The following GYG1 variants were observed in gnomAD, a reference collection of about 807,000 sequenced individuals.
GYG1 encodes glycogenin-1.
In GYG1, 44 loss-of-function variants were observed where a neutral mutation model predicts 41.9. The ratio of observed to expected loss-of-function variants is 1.05; its 90% CI spans 0.83 to 1.35. The LOEUF is 1.35. Ranked by LOEUF, GYG1 falls within the 40% of genes most tolerant of loss-of-function variation. The pLI is 0.00. For synonymous variants in GYG1, 141 were observed against 158.1 expected (o/e 0.89, Z 0.81); for missense variants, 429 against 418.9 (o/e 1.02, Z -0.21).
chr3:149,004,769 G>A (rs535914687), intron 4 of GYG1, among the ~76,000 whole-genome samples: 1 of 152,350 alleles, frequency 6.6e-6, no homozygotes, highest in African/African-American at 2.4e-5. Context: ...AGGCACTGTT[G>A]ATTCACCAGT....
chr3:149,030,500 G>GT lies in GYG1; in HGVS notation c.*3570dup, dbSNP rs1407792542. On this transcript the variant is annotated 3_prime_UTR_variant, in exon 8 of 8. Coordinates refer to ENST00000345003, the MANE Select transcript of GYG1 (RefSeq NM_004130.4). ...TGTCCTCCCTTTACCTTCATAGTGA[G>GT]TTTGTAAGGCTTTGTCTTTGTAAGC... is the stretch of plus-strand genomic sequence containing the variant. The GT allele has an allele frequency of 8.5e-5, 13 of 152,278 alleles. No individual in the cohort carries two copies. The highest frequency in any genetic ancestry group is 3.1e-4 in the African/African-American group (13 of 41,572). The allele number at this position is 152,278 out of a possible 1,614,324, so 9.4% of individuals were successfully genotyped here.
intron 5 of GYG1, among the ~76,000 whole-genome samples, chr3:149,013,503 C>G (rs1455869358): frequency 6.6e-6 from 1 of 152,162 alleles, no homozygotes; most frequent in Non-Finnish European, 1.5e-5. Context: ...AGTACAAAGC[C>G]TCATTCACCC....
At position 149,023,013 on chromosome 3, in the gene GYG1, C is replaced by G. The variant is rs77321401; in HGVS notation, c.609-1040C>G. Among the ~76,000 whole-genome samples the G allele has an allele frequency of 3.5e-4, 53 of 152,208 alleles. 1 individual carries two copies. In the East Asian group the frequency reaches 7.9e-3, roughly 23 times the overall value. Reference sequence around the variant, plus strand: ...AATCTCAGTCATATTCAACAATAAGCAAATATTTCTTACATATATGTTGGT... The same window carrying G: ...AATCTCAGTCATATTCAACAATAAGGAAATATTTCTTACATATATGTTGGT... On this transcript the variant is annotated intron_variant, in intron 5 of 7. Coordinates refer to ENST00000345003, the MANE Select transcript of GYG1 (RefSeq NM_004130.4).
chr3:148,996,872 T>G lies in GYG1; in HGVS notation c.449T>G (p.Leu150Trp), dbSNP rs751394282. 3 of 1,613,750 alleles carry G rather than the reference T, an allele frequency of 1.9e-6. No individual in the cohort carries two copies. Residue 150 changes from leucine (L) to tryptophan (W), a missense_variant, in exon 4 of 8, where the codon TTG (leucine) becomes TGG (tryptophan). By Grantham distance (61) the Leu-to-Trp change is moderately conservative. Coordinates refer to ENST00000345003, the MANE Select transcript of GYG1 (RefSeq NM_004130.4). ...QPSVETYNQL[L>W]HLASEQGSFD... ...TCAGTTGAAACATACAATCAGCTGT[T>G]GCATCTTGCTTCTGAGCAAGGTAGT...
At chr3:148,992,085 C>G (rs1453460240) in intron 1 of GYG1, among the ~76,000 whole-genome samples, 2 of 152,068 alleles carry the variant, frequency 1.3e-5, no homozygotes, top group African/African-American at 2.4e-5. Flanking sequence ...GGCTCCGAGG[C>G]GGGGATACTG....
chr3:148,998,398 A>C (rs1010775407), intron 4 of GYG1, among the ~76,000 whole-genome samples: 1 of 152,168 alleles, frequency 6.6e-6, no homozygotes. Flanking sequence ...TGCAAAGGGC[A>C]TCTGATGAGT....
intron 5 of GYG1, among the ~76,000 whole-genome samples, chr3:149,020,499 ACTT>A (rs1714309181): frequency 6.6e-6 from 1 of 152,222 alleles, no homozygotes; most frequent in Admixed American, 6.5e-5. Flanking sequence ...AAGTTATTTA[ACTT>A]CTTCATGCCT....
intron 5 of GYG1, among the ~76,000 whole-genome samples, chr3:149,021,799 G>C (rs564251420): frequency 1.2e-4 from 18 of 151,950 alleles, no homozygotes; most frequent in Admixed American, 3.3e-4. Flanking sequence ...GGATAGGAAA[G>C]GTTACACGAG....
At position 148,996,218 on chromosome 3, in the gene GYG1, G is replaced by A. The variant is rs185533349; in HGVS notation, c.144-84G>A. 6.5e-6 allele frequency: 6 copies of A among 920,382 alleles called. No homozygotes were observed. In the South Asian group the frequency reaches 7.8e-5, roughly 12 times the overall value. 57.0% of individuals were successfully genotyped at this position (920,382 alleles called of 1,614,324 possible). ...ATTGTTCTAGTAATTGATGGAGAAGGTAATAAAGCATCAGTCTTACAGCAG... is the reference window on the plus strand; with the variant it reads ...ATTGTTCTAGTAATTGATGGAGAAGATAATAAAGCATCAGTCTTACAGCAG... On this transcript the variant is annotated intron_variant, in intron 2 of 7. Coordinates refer to ENST00000345003, the MANE Select transcript of GYG1 (RefSeq NM_004130.4).
rs1576559217 is a variant in GYG1 at position 149,029,367 on chromosome 3, G to A, written c.*2434G>A. Among the ~76,000 whole-genome samples, 1 of 152,126 alleles carries A rather than the reference G, an allele frequency of 6.6e-6. No individual in the cohort carries two copies. The highest frequency in any genetic ancestry group is 1.5e-5 in the Non-Finnish European group (1 of 68,020). On this transcript the variant is annotated 3_prime_UTR_variant, in exon 8 of 8. Coordinates refer to ENST00000345003, the MANE Select transcript of GYG1 (RefSeq NM_004130.4). ...CCTTGCAGTGGCTGGTATGACCTTT[G>A]GTTGTAAGACAAACTTGCCCACAAC...
chr3:149,016,559 C>G, intron 5 of GYG1, among the ~76,000 whole-genome samples: 1 of 152,064 alleles, frequency 6.6e-6, no homozygotes, highest in Non-Finnish European at 1.5e-5. Flanking sequence ...AGTCTGGGTT[C>G]GAGTGCTGAC....
At chr3:149,011,126 A>G (rs1281335663) in intron 5 of GYG1, among the ~76,000 whole-genome samples, 2 of 152,308 alleles carry the variant, frequency 1.3e-5, no homozygotes, top group Non-Finnish European at 2.9e-5. Flanking sequence ...GCAGACTCTT[A>G]AACACACCAA....
At chr3:149,023,847 C>CAT (rs1376930263) in intron 5 of GYG1, among the ~76,000 whole-genome samples, 1 of 151,012 alleles carries the variant, frequency 6.6e-6, no homozygotes, top group East Asian at 1.9e-4. Flanking sequence ...ATTAGCTAGG[C>CAT]ATGGTGGCCT....
rs989694880 is a variant in GYG1, at chr3:149,031,491, T to G, written c.*4558T>G. The G allele has an allele frequency of 3.3e-5, 5 of 152,620 alleles. No individual in the cohort carries two copies. The highest frequency in any genetic ancestry group is 5.9e-5 in the Non-Finnish European group (4 of 68,020). 9.5% of individuals were successfully genotyped at this position (152,620 alleles called of 1,614,324 possible). A position where few individuals can be genotyped will look rare whatever the true frequency, so the allele number is the denominator to read the frequency against. ...TTCAAATCAAATTGGGTAGGACTGG[T>G]TTGCCTCTCACTCCCACAGACTATA... On this transcript the variant is annotated 3_prime_UTR_variant, in exon 8 of 8. Transcript: ENST00000345003.
chr3:149,025,324 A>G (rs1187635636), intron 6 of GYG1, among the ~76,000 whole-genome samples: 2 of 152,172 alleles, frequency 1.3e-5, no homozygotes, highest in African/African-American at 2.4e-5. Flanking sequence ...CACAGTTTAC[A>G]ATAGAGTTCA....
chr3:148,996,760 G>C lies in GYG1; in HGVS notation c.337G>C (p.Asp113His), dbSNP rs968503138. Residue 113 changes from aspartate to histidine, a missense_variant, in exon 4 of 8, where the codon GAT (aspartate) becomes CAT (histidine). Transcript: ENST00000345003. ...TGATCAGGTCCTAGCAAATATTGAT[G>C]ATCTTTTTGACAGAGAAGAATTGTC... ...ADTLVLANID[D>H]LFDREELSAA... 11 of 1,613,970 alleles carry C rather than the reference G, an allele frequency of 6.8e-6. No individual in the cohort carries two copies. Among genetic ancestry groups the C allele is most frequent in the Middle Eastern group, 1.7e-4 (1 of 6,060 alleles).
rs1714769304 is a variant in GYG1, at chr3:149,028,498, A to C, written c.*1565A>C. ...GCTGTGGTACAAAGAAGGACTTCTC[A>C]AAATTTTAGCTAGTCAGAGGTCTTT... is the stretch of plus-strand genomic sequence containing the variant. On this transcript the variant is annotated 3_prime_UTR_variant, in exon 8 of 8. Transcript: ENST00000345003. Among the ~76,000 whole-genome samples, 1 of 152,162 alleles carries C rather than the reference A, an allele frequency of 6.6e-6. No homozygotes were observed. The highest frequency in any genetic ancestry group is 2.4e-5 in the African/African-American group (1 of 41,448).
intron 1 of GYG1, chr3:148,992,268 C>G (rs1231872902): frequency 6.4e-6 from 1 of 155,920 alleles, no homozygotes; most frequent in African/African-American, 2.4e-5. Context: ...TGCGAGGCGT[C>G]CGGGCCACTC....
Position 148,994,164 on chromosome 3 carries a change from C to T in GYG1, c.30C>T (p.Thr10=). The part of the protein sequence containing the change: MTDQAFVTL[T]TNDAYAKGAL... Reference sequence around the variant, plus strand: ...AAGATCAGGCCTTTGTGACACTAACCACAAACGATGCCTACGCCAAAGGTG... The same window carrying T: ...AAGATCAGGCCTTTGTGACACTAACTACAAACGATGCCTACGCCAAAGGTG... Residue 10 remains threonine (T), a synonymous_variant, in exon 2 of 8, where the codon ACC becomes ACT. Coordinates refer to ENST00000345003, the MANE Select transcript of GYG1 (RefSeq NM_004130.4). The T allele has an allele frequency of 2.5e-6, 4 of 1,613,676 alleles. No homozygotes were observed. Among genetic ancestry groups the T allele is most frequent in the East Asian group, 2.2e-5 (1 of 44,852 alleles).
Sources: allele counts gnomAD v4.1 joint callset (sites outside exome capture counted in the v4.1 genomes callset), GRCh38; gene constraint gnomAD v4.1.1; transcripts MANE v1.5; gene names NCBI Gene and HGNC (gene_info 2026-07-23, HGNC 2026-07-21).